ESRRG: variants seen among roughly 807,000 people sequenced by gnomAD.
The protein encoded by ESRRG is estrogen-related receptor gamma.
ESRRG carries 13 observed loss-of-function variants against 44.0 expected under a neutral mutation model. The observed-to-expected ratio is 0.30, with a 90% confidence interval of 0.19 to 0.47. ESRRG has a LOEUF of 0.47. Ranked by LOEUF, ESRRG falls within the 20% of genes least tolerant of loss-of-function variation. The probability of loss-of-function intolerance (pLI) is 1.00; values close to 1 mark genes in which losing one functional copy is unlikely to be tolerated. For missense variants in ESRRG, 395 were observed against 580.6 expected, an observed-to-expected ratio of 0.68 and a Z score of 3.29; for synonymous variants, 215 against 214.6, an observed-to-expected ratio of 1.00 and a Z score of -0.02.
At chr1:216,700,416 T>C (rs1056723976) in intron 1 of ESRRG, among the ~76,000 whole-genome samples, 1 of 152,182 alleles carries the variant, frequency 6.6e-6, no homozygotes, top group East Asian at 1.9e-4. Context: ...TAAAATCAGC[T>C]CATTCAGTTG....
intron 2 of ESRRG, among the ~76,000 whole-genome samples, chr1:216,671,846 C>T (rs1219650353): frequency 6.6e-6 from 1 of 151,978 alleles, no homozygotes; most frequent in African/African-American, 2.4e-5. Flanking sequence ...AAATTATTTT[C>T]TTTATTATAT....
intron 2 of ESRRG, among the ~76,000 whole-genome samples, chr1:216,750,087 G>T (rs895026295): frequency 6.6e-6 from 1 of 151,972 alleles, no homozygotes; most frequent in East Asian, 1.9e-4. Flanking sequence ...TCCTTTCTTC[G>T]TTCCTCCCTC....
intron 2 of ESRRG, among the ~76,000 whole-genome samples, chr1:216,663,497 T>C (rs1365918847): frequency 1.3e-5 from 2 of 152,208 alleles, no homozygotes; most frequent in Non-Finnish European, 2.9e-5. Flanking sequence ...CTCTCAGTAG[T>C]ATTCTTTCTA....
At chr1:216,992,738 T>G (rs1448461850) in intron 1 of ESRRG, among the ~76,000 whole-genome samples, 1 of 152,218 alleles carries the variant, frequency 6.6e-6, no homozygotes, top group Non-Finnish European at 1.5e-5. Context: ...ACTTTACAGA[T>G]TCCCAAAATT....
intron 1 of ESRRG, among the ~76,000 whole-genome samples, chr1:217,026,529 C>T (rs557710406): frequency 5.3e-5 from 8 of 152,244 alleles, no homozygotes; most frequent in African/African-American, 1.9e-4. Flanking sequence ...TATTAAATAG[C>T]ACCTAGGTCC....
intron 6 of ESRRG, among the ~76,000 whole-genome samples, chr1:216,508,452 C>T (rs551637341): frequency 6.6e-6 from 1 of 152,238 alleles, no homozygotes; most frequent in African/African-American, 2.4e-5. Flanking sequence ...GTATTTACTG[C>T]TCAAGACTCA....
intron 1 of ESRRG, among the ~76,000 whole-genome samples, chr1:216,974,145 T>C (rs2072360603): frequency 6.6e-6 from 1 of 152,188 alleles, no homozygotes; most frequent in African/African-American, 2.4e-5. Flanking sequence ...TTCAACTATA[T>C]TCATCTTCCC....
At chr1:216,807,052 A>C (rs2094815290) in intron 2 of ESRRG, among the ~76,000 whole-genome samples, 1 of 152,122 alleles carries the variant, frequency 6.6e-6, no homozygotes, top group South Asian at 2.1e-4. Flanking sequence ...GAATTTCTTG[A>C]GCTTTAATGC....
In ESRRG at chr1:216,756,111, C is replaced by A. The variant is rs573546606; in HGVS notation, c.-13-78620G>T. ...AGCCTGTGTACTTTAATTTTCTCAT[C>A]TGAAAAATGTAGATAGCATCTGCTC... On this transcript the variant is annotated intron_variant, in intron 2 of 7. Transcript: ENST00000359162. Among the ~76,000 whole-genome samples, 3 of 152,138 alleles carry A rather than the reference C, an allele frequency of 2.0e-5. No individual in the cohort carries two copies. In the East Asian group the frequency reaches 5.8e-4, roughly 29 times the overall value.
chr1:216,698,673 T>TA (rs941944241), intron 1 of ESRRG, among the ~76,000 whole-genome samples: 2 of 151,810 alleles, frequency 1.3e-5, no homozygotes, highest in African/African-American at 2.4e-5. Context: ...CTTTTCAGAT[T>TA]AAAAAAACAA....
At chr1:216,983,005 C>G (rs1243280493) in intron 1 of ESRRG, among the ~76,000 whole-genome samples, 4 of 148,542 alleles carry the variant, frequency 2.7e-5, no homozygotes. Context: ...GAATTTGAAA[C>G]CTGACTAGTT....
chr1:216,729,611 T>G (rs2088294455), intron 2 of ESRRG, among the ~76,000 whole-genome samples: 1 of 152,218 alleles, frequency 6.6e-6, no homozygotes. Flanking sequence ...GTTACCATGA[T>G]GTTTTCTGCG....
At chr1:217,026,908 C>CAGAGAGAGAG (rs1254896528) in intron 1 of ESRRG, among the ~76,000 whole-genome samples, 6,731 of 88,538 alleles carry the variant, frequency 0.076, 161 homozygotes, top group South Asian at 0.1. Context: ...CACACACACA[C>CAGAGAGAGAG]ACACAGAGAG....
chr1:216,996,327 G>A (rs1421376792), intron 1 of ESRRG, among the ~76,000 whole-genome samples: 1 of 151,930 alleles, frequency 6.6e-6, no homozygotes, highest in Non-Finnish European at 1.5e-5. Context: ...AAGTAGAAAT[G>A]GTAAGTACTA....
chr1:217,127,403 C>T (rs1442000013), intron 1 of ESRRG, among the ~76,000 whole-genome samples: 1 of 152,150 alleles, frequency 6.6e-6, no homozygotes, highest in East Asian at 1.9e-4. Flanking sequence ...CAAAAGATGG[C>T]CTTGAAAACT....
intron 3 of ESRRG, among the ~76,000 whole-genome samples, chr1:216,585,815 C>T (rs868580751): frequency 3.3e-5 from 5 of 151,954 alleles, no homozygotes; most frequent in Non-Finnish European, 7.4e-5. Flanking sequence ...CCGAGGTGGG[C>T]GGATCACGAG....
intron 2 of ESRRG, among the ~76,000 whole-genome samples, chr1:216,675,341 C>T (rs981245089): frequency 1.3e-5 from 2 of 149,462 alleles, no homozygotes; most frequent in Non-Finnish European, 3.0e-5. Flanking sequence ...GCCTGGGCCA[C>T]AAGAGTAAAA....
upstream of ESRRG, among the ~76,000 whole-genome samples, chr1:217,093,238 G>T (rs778026010): frequency 6.6e-6 from 1 of 152,014 alleles, no homozygotes; most frequent in African/African-American, 2.4e-5. Flanking sequence ...AACCATTCTG[G>T]GCCTCAGTTC....
chr1:216,701,453 C>T (rs2081375592), intron 1 of ESRRG: 1 of 152,206 alleles, frequency 6.6e-6, no homozygotes, highest in South Asian at 2.1e-4. Flanking sequence ...ACAGATGCTG[C>T]TCCTTCTGTT....
Sources: gnomAD v4.1 joint callset for allele counts (sites outside exome capture counted in the v4.1 genomes callset) on GRCh38, gnomAD v4.1.1 for gene constraint, MANE v1.5 for transcripts, NCBI Gene and HGNC (gene_info 2026-07-23, HGNC 2026-07-21) for gene names.